The following AGAP1 variants were observed in gnomAD, a reference collection of about 807,000 sequenced individuals.
AGAP1 encodes arf-GAP with GTPase, ANK repeat and PH domain-containing protein 1.
A neutral mutation model predicts 105.3 loss-of-function variants in AGAP1; 29 were observed. That is an observed-to-expected ratio of 0.28 (90% CI 0.21 to 0.38). The LOEUF (loss-of-function observed/expected upper bound fraction) is 0.38, where lower values mean the gene tolerates loss of function less well. AGAP1 is among the 10% of genes least tolerant of loss of function. AGAP1 has a pLI of 1.00. For synonymous variants in AGAP1, 509 were observed against 485.9 expected (o/e 1.05, Z -0.63); for missense variants, 998 against 1,165.1 (o/e 0.86, Z 2.09).
chr2:235,847,046 G>T (rs915119515), intron 9 of AGAP1, among the ~76,000 whole-genome samples: 3 of 152,190 alleles, frequency 2.0e-5, no homozygotes, highest in African/African-American at 7.2e-5. Flanking sequence ...ATGCTAGGAG[G>T]GTGGTGCAGA....
rs376336202 is a variant in AGAP1 at position 236,036,550 on chromosome 2, C to T, written c.1646-11C>T. The stretch of plus-strand genomic sequence containing the variant: ...AAAGCTAAACTCTTCATCCCACACT[C>T]TGTGTTTCAGAACAAGAAGAAAATT... On this transcript the variant is annotated splice_polypyrimidine_tract_variant and intron_variant, in intron 13 of 17. Coordinates refer to ENST00000304032, the MANE Select transcript of AGAP1 (RefSeq NM_001037131.3). This position sits in a 1 kb window ranked among gnomAD's most constrained non-coding sequence, Gnocchi z 5.7. 4.6e-5 allele frequency: 75 copies of T among 1,613,732 alleles called. No homozygotes were observed. In the African/African-American group the frequency reaches 9.3e-4, roughly 20 times the overall value.
intron 1 of AGAP1, among the ~76,000 whole-genome samples, chr2:235,629,463 C>G (rs1176868270): frequency 2.6e-5 from 4 of 151,876 alleles, no homozygotes; most frequent in Admixed American, 2.6e-4. Context: ...CACCGTAGAC[C>G]AAGAAAAGGA....
In AGAP1 at chr2:236,044,740, G is replaced by A. The variant is rs549535041; in HGVS notation, c.1891+3899G>A. Among the ~76,000 whole-genome samples, 6 of 150,270 alleles carry A rather than the reference G, an allele frequency of 4.0e-5. No individual in the cohort carries two copies. Among genetic ancestry groups the A allele is most frequent in the Admixed American group, 1.3e-4 (2 of 15,054 alleles). ...GTCTCCTTCCCATTGTCGCCTCTTA[G>A]TCCTTCCCTGACCTCCAGGTTTGAA... is the stretch of plus-strand genomic sequence containing the variant. On this transcript the variant is annotated intron_variant, in intron 15 of 17. Transcript: ENST00000304032. This position sits in a 1 kb window ranked among gnomAD's most constrained non-coding sequence, Gnocchi z 5.7.
At position 236,068,231 on chromosome 2, in the gene AGAP1, A is replaced by G. The variant is rs200938045; in HGVS notation, c.2114+18950A>G. ...GGTTGTAGTGAGCCAAGATCACGCC[A>G]CTACACTCCAGCCTGGGCAACAGAG... On this transcript the variant is annotated intron_variant, in intron 16 of 17. Coordinates refer to ENST00000304032, the MANE Select transcript of AGAP1 (RefSeq NM_001037131.3). Among the ~76,000 whole-genome samples the G allele has an allele frequency of 2.9e-4, 44 of 152,232 alleles. No homozygotes were observed. In the East Asian group the frequency reaches 6.0e-3, roughly 21 times the overall value.
rs1048142450 is a variant in AGAP1, at chr2:235,600,373, C to T, written c.163+105524C>T. Among the ~76,000 whole-genome samples, 36 of 152,172 alleles carry T rather than the reference C, an allele frequency of 2.4e-4. No individual in the cohort carries two copies. The highest frequency in any genetic ancestry group is 8.7e-4 in the African/African-American group (36 of 41,434). ...AGTAGCAACTCAGGCTCAGGGAGCC[C>T]TCACCTGAAGCCCTCCTCTTACCCA... On this transcript the variant is annotated intron_variant, in intron 1 of 17. Coordinates refer to ENST00000304032, the MANE Select transcript of AGAP1 (RefSeq NM_001037131.3). The surrounding 1 kb of genome is among the most constrained non-coding windows in gnomAD (Gnocchi z 4.8).
In AGAP1 at chr2:235,951,383, TGTCA is replaced by T. The variant is rs1319421562; in HGVS notation, c.1484-17074_1484-17071del. Reference sequence around the variant, plus strand: ...CCCCAGGTACGATTATGGACAATGCTGTCAGTCATCGTGAGACAGAGTAGCATGG... The same window carrying T: ...CCCCAGGTACGATTATGGACAATGCTGTCATCGTGAGACAGAGTAGCATGG... On this transcript the variant is annotated intron_variant, in intron 12 of 17. Transcript: ENST00000304032. This position sits in a 1 kb window ranked among gnomAD's most constrained non-coding sequence, Gnocchi z 4.2. Among the ~76,000 whole-genome samples, 1 of 152,252 alleles carries T rather than the reference TGTCA, an allele frequency of 6.6e-6. No individual in the cohort carries two copies. Among genetic ancestry groups the T allele is most frequent in the Non-Finnish European group, 1.5e-5 (1 of 68,040 alleles).
chr2:235,999,819 T>G (rs2056034833), intron 13 of AGAP1, among the ~76,000 whole-genome samples: 1 of 151,246 alleles, frequency 6.6e-6, no homozygotes, highest in Non-Finnish European at 1.5e-5. Context: ...TCCCTGAATG[T>G]TGGGGGTCAG....
Position 235,737,637 on chromosome 2 carries a change from G to A in AGAP1, c.311-3326G>A, listed in dbSNP as rs60096867. Among the ~76,000 whole-genome samples, 2,470 of 152,300 alleles carry A rather than the reference G, an allele frequency of 0.016. 64 individuals carry two copies. Among genetic ancestry groups the A allele is most frequent in the African/African-American group, 0.057 (2,366 of 41,582 alleles). The stretch of plus-strand genomic sequence containing the variant: ...AGAGGAAGCAAAGGAGAGGATGGAC[G>A]TGAAATCCGTCCTATGCATGCTCAC... On this transcript the variant is annotated intron_variant, in intron 3 of 17. Transcript: ENST00000304032. This position sits in a 1 kb window ranked among gnomAD's most constrained non-coding sequence, Gnocchi z 4.5.
intron 9 of AGAP1, among the ~76,000 whole-genome samples, chr2:235,841,138 C>G (rs1960781625): frequency 6.6e-6 from 1 of 152,022 alleles, no homozygotes; most frequent in East Asian, 1.9e-4. Flanking sequence ...GAACGATGAG[C>G]AGGAGGGAGC....
At chr2:235,589,202 T>TTTTG (rs1553573660) in intron 1 of AGAP1, among the ~76,000 whole-genome samples, 28 of 104,580 alleles carry the variant, frequency 2.7e-4, no homozygotes, top group African/African-American at 1.2e-3. Context: ...TTGTTTTTTT[T>TTTTG]TTTTTTTTTT....
At chr2:235,590,365 G>C (rs975635754) in intron 1 of AGAP1, among the ~76,000 whole-genome samples, 14 of 152,150 alleles carry the variant, frequency 9.2e-5, no homozygotes, top group African/African-American at 3.4e-4. Flanking sequence ...CAGATGCCAA[G>C]TTGACCAGGG....
intron 3 of AGAP1, among the ~76,000 whole-genome samples, chr2:235,738,787 A>T (rs887077586): frequency 3.9e-5 from 6 of 151,978 alleles, no homozygotes; most frequent in African/African-American, 1.4e-4. Flanking sequence ...TGAACTCCTG[A>T]CCTCAGGTGA....
At chr2:235,670,036 T>C in intron 1 of AGAP1, 1 of 356,928 alleles carries the variant, frequency 2.8e-6, no homozygotes, top group African/African-American at 2.2e-5. Context: ...CCTCCCCGCT[T>C]GGCCCGGCGC....
Position 236,095,961 on chromosome 2 carries a change from G to GT in AGAP1, c.2115-24229dup, listed in dbSNP as rs2059181865. Among the ~76,000 whole-genome samples, 1 of 152,112 alleles carries GT rather than the reference G, an allele frequency of 6.6e-6. No homozygotes were observed. The highest frequency in any genetic ancestry group is 1.5e-5 in the Non-Finnish European group (1 of 68,036). On this transcript the variant is annotated intron_variant, in intron 16 of 17. Transcript: ENST00000304032. The surrounding 1 kb of genome is among the most constrained non-coding windows in gnomAD (Gnocchi z 4.1). ...TTTAGAAATTCTTCCGTGATTCAGG[G>GT]TTCGCCAACATGAGTTATTTCCCAT...
At position 236,114,135 on chromosome 2, in the gene AGAP1, C is replaced by T. The variant is rs773698060; in HGVS notation, c.2115-6057C>T. ...ATTCATTTTTTAGCTCATTAGCTAA[C>T]GGAGGCTGTGAACGGTGATCCTCCC... is the stretch of plus-strand genomic sequence containing the variant. On this transcript the variant is annotated intron_variant, in intron 16 of 17. Transcript: ENST00000304032. The surrounding 1 kb of genome is among the most constrained non-coding windows in gnomAD (Gnocchi z 5.0). Among the ~76,000 whole-genome samples, 38 of 152,198 alleles carry T rather than the reference C, an allele frequency of 2.5e-4. No homozygotes were observed. Among genetic ancestry groups the T allele is most frequent in the Non-Finnish European group, 4.1e-4 (28 of 68,014 alleles).
chr2:235,795,383 G>C (rs761430911), intron 6 of AGAP1, among the ~76,000 whole-genome samples: 6 of 152,208 alleles, frequency 3.9e-5, no homozygotes, highest in Admixed American at 2.0e-4. Context: ...CATTGACTCT[G>C]TAGTCAGTTT....
chr2:236,115,064 G>A (rs896285734), intron 16 of AGAP1, among the ~76,000 whole-genome samples: 1 of 152,206 alleles, frequency 6.6e-6, no homozygotes, highest in East Asian at 1.9e-4. Context: ...CGTGAAGCTC[G>A]TATGTACACA....
At chr2:235,523,534 A>G (rs1013492572) in intron 1 of AGAP1, among the ~76,000 whole-genome samples, 4 of 152,246 alleles carry the variant, frequency 2.6e-5, no homozygotes, top group Admixed American at 6.5e-5. Context: ...TCCTGTGCCC[A>G]TGTCATGGTA....
At chr2:235,975,561 A>G (rs1225457761) in intron 13 of AGAP1, among the ~76,000 whole-genome samples, 2 of 152,070 alleles carry the variant, frequency 1.3e-5, no homozygotes, top group Admixed American at 6.6e-5. Flanking sequence ...ATCTTTTCTC[A>G]CTCCTGGGGT....
Sources: allele counts gnomAD v4.1 joint callset (sites outside exome capture counted in the v4.1 genomes callset), GRCh38; gene constraint gnomAD v4.1.1; non-coding constraint Gnocchi (gnomAD v3.1); transcripts MANE v1.5; gene names NCBI Gene and HGNC (gene_info 2026-07-23, HGNC 2026-07-21).